ENPP3: variants seen among roughly 807,000 people sequenced by gnomAD.
ENPP3 encodes ectonucleotide pyrophosphatase/phosphodiesterase 3.
A neutral mutation model predicts 117.8 loss-of-function variants in ENPP3; 104 were observed. The observed-to-expected ratio is 0.88, with a 90% CI of 0.75 to 1.04. The LOEUF (loss-of-function observed/expected upper bound fraction) is 1.04, where lower values mean the gene tolerates loss of function less well. Ranked by LOEUF, ENPP3 falls within the 50% of genes least tolerant of loss-of-function variation. ENPP3 has a pLI of 0.00. For missense variants in ENPP3, 1,026 were observed against 1,051.9 expected, an observed-to-expected ratio of 0.98 and a Z score of 0.34; for synonymous variants, 380 against 349.9, an observed-to-expected ratio of 1.09 and a Z score of -0.96.
intron 24 of ENPP3, 31 bp from the exon 25 acceptor site, chr6:131,746,754 GA>G (rs750309431): frequency 7.8e-5 from 121 of 1,551,836 alleles, no homozygotes; most frequent in East Asian, 3.9e-4. Context: ...ACTGCCTTGT[GA>G]AAAAAAAAGT....
intron 12 of ENPP3, 48 bp downstream of exon 12, chr6:131,683,210 C>T (rs1292396214): frequency 4.9e-6 from 5 of 1,023,218 alleles, no homozygotes; most frequent in African/African-American, 4.8e-5. Context: ...TATAATTTAT[C>T]ACTTCAGAAA....
chr6:131,674,695 G>A (rs991837658), intron 8 of ENPP3, among the ~76,000 whole-genome samples: 9 of 151,248 alleles, frequency 6.0e-5, no homozygotes, highest in Non-Finnish European at 8.8e-5. Flanking sequence ...TCAGCCTCCC[G>A]AGTAGCTGGG....
At chr6:131,717,852 A>G (rs1779931761) in intron 15 of ENPP3, among the ~76,000 whole-genome samples, 2 of 152,222 alleles carry the variant, frequency 1.3e-5, no homozygotes, top group Non-Finnish European at 2.9e-5. Context: ...ATAATACTAT[A>G]GTTCTACTAT....
intron 11 of ENPP3, among the ~76,000 whole-genome samples, chr6:131,678,144 G>T (rs1778912034): frequency 6.6e-6 from 1 of 152,118 alleles, no homozygotes; most frequent in Non-Finnish European, 1.5e-5. Flanking sequence ...TTCTAGAAAG[G>T]ACAACTGCCT....
At chr6:131,746,180 C>A (rs1189097985) in intron 24 of ENPP3, among the ~76,000 whole-genome samples, 1 of 151,904 alleles carries the variant, frequency 6.6e-6, no homozygotes. Flanking sequence ...GAGGCATATA[C>A]CAAGTTATTT....
intron 21 of ENPP3, among the ~76,000 whole-genome samples, chr6:131,734,339 T>C (rs566886045): frequency 8.5e-5 from 13 of 152,264 alleles, no homozygotes. Flanking sequence ...GCTAGTGTGA[T>C]TTTCCTAAAA....
At chr6:131,664,466 C>T (rs1399988953) in intron 6 of ENPP3, among the ~76,000 whole-genome samples, 2 of 152,098 alleles carry the variant, frequency 1.3e-5, no homozygotes, top group Admixed American at 1.3e-4. Context: ...AGAAAAGTTA[C>T]AGTAAGCTAA....
At chr6:131,732,566 C>T (rs1242718384) in intron 20 of ENPP3, among the ~76,000 whole-genome samples, 1 of 151,904 alleles carries the variant, frequency 6.6e-6, no homozygotes, top group Admixed American at 6.6e-5. Flanking sequence ...GCACCCACCA[C>T]CACACCTGGC....
At chr6:131,685,813 A>G in intron 13 of ENPP3, 63 bp from the exon 14 acceptor site, 1 of 720,586 alleles carries the variant, frequency 1.4e-6, no homozygotes, top group Non-Finnish European at 2.5e-6. Flanking sequence ...TGAGTGGTTC[A>G]CATTCTTTGC....
chr6:131,730,334 G>C (rs1255710848), intron 20 of ENPP3, among the ~76,000 whole-genome samples: 1 of 152,164 alleles, frequency 6.6e-6, no homozygotes, highest in African/African-American at 2.4e-5. Flanking sequence ...ACTATGATAT[G>C]TTTTTGAAAG....
At chr6:131,736,444 C>A (rs1356630511) in intron 21 of ENPP3, among the ~76,000 whole-genome samples, 3 of 152,144 alleles carry the variant, frequency 2.0e-5, no homozygotes, top group Non-Finnish European at 2.9e-5. Flanking sequence ...TGCAGGGGAA[C>A]TCCTCTTTAT....
At chr6:131,646,743 G>A (rs1250024818) in intron 2 of ENPP3, among the ~76,000 whole-genome samples, 2 of 105,538 alleles carry the variant, frequency 1.9e-5, no homozygotes, top group East Asian at 4.7e-4. Context: ...AAAGCTCTTG[G>A]CTTTTTTTTT....
intron 10 of ENPP3, among the ~76,000 whole-genome samples, chr6:131,677,556 C>T (rs967236313): frequency 6.6e-6 from 1 of 152,166 alleles, no homozygotes; most frequent in African/African-American, 2.4e-5. Flanking sequence ...AACCAAGAAT[C>T]AGCAAAAAGT....
intron 6 of ENPP3, among the ~76,000 whole-genome samples, chr6:131,664,402 T>C (rs1348049801): frequency 6.6e-6 from 1 of 152,220 alleles, no homozygotes; most frequent in Non-Finnish European, 1.5e-5. Context: ...TGTTTTAAAC[T>C]CAGTGTTATT....
chr6:131,730,832 T>A (rs191698394), intron 20 of ENPP3, among the ~76,000 whole-genome samples: 1 of 151,550 alleles, frequency 6.6e-6, no homozygotes, highest in East Asian at 1.9e-4. Flanking sequence ...GGAGAATCAG[T>A]TGAACCCAGG....
At chr6:131,665,738 G>A (rs1778603534) in intron 6 of ENPP3, among the ~76,000 whole-genome samples, 1 of 151,558 alleles carries the variant, frequency 6.6e-6, no homozygotes, top group Non-Finnish European at 1.5e-5. Context: ...ATTTCTTCTT[G>A]CATCTTTTCT....
intron 5 of ENPP3, among the ~76,000 whole-genome samples, chr6:131,654,754 T>C (rs893413057): frequency 2.0e-5 from 3 of 152,196 alleles, no homozygotes; most frequent in Non-Finnish European, 4.4e-5. Flanking sequence ...AGTGGAGGCA[T>C]TTTTAAATAG....
chr6:131,638,166 C>G (rs1369697830), intron 1 of ENPP3, among the ~76,000 whole-genome samples: 10 of 152,072 alleles, frequency 6.6e-5, no homozygotes, highest in Non-Finnish European at 1.0e-4. Flanking sequence ...TACTGAGTCC[C>G]TGACTCAAAA....
Position 131,710,089 on chromosome 6 carries a change from G to A in ENPP3, c.1413-8583G>A, listed in dbSNP as rs778389694. 9 of 1,613,842 alleles carry A rather than the reference G, an allele frequency of 5.6e-6. No individual in the cohort carries two copies. The South Asian group carries it at 6.6e-5, about 12-fold the overall frequency. On this transcript the variant is annotated intron_variant, in intron 15 of 24. Coordinates refer to ENST00000357639, the MANE Select transcript of ENPP3 (RefSeq NM_005021.5). ...CAGTTTCTTCAAAGCTCCTTTCGGA[G>A]GATCATCTAAGTTAGCACCATTTTC...
Sources: gnomAD v4.1 joint callset for allele counts (sites outside exome capture counted in the v4.1 genomes callset) on GRCh38, gnomAD v4.1.1 for gene constraint, MANE v1.5 for transcripts, NCBI Gene and HGNC (gene_info 2026-07-23, HGNC 2026-07-21) for gene names.